Variants in COL22A1 observed in about 807,000 individuals in gnomAD.
The protein encoded by COL22A1 is collagen alpha-1(XXII) chain.
A neutral mutation model predicts 248.9 loss-of-function variants in COL22A1; 221 were observed. The ratio of observed to expected loss-of-function variants is 0.89; its 90% CI spans 0.80 to 0.99. The LOEUF (loss-of-function observed/expected upper bound fraction) is 0.99, where lower values mean the gene tolerates loss of function less well. COL22A1 is among the 50% of genes least tolerant of loss of function. The pLI is 0.00. For synonymous variants in COL22A1, 891 were observed against 793.4 expected (o/e 1.12, Z -2.07); for missense variants, 2,240 against 2,179.0 (o/e 1.03, Z -0.56).
chr8:138,890,769 T>C (rs35585112), intron 1 of COL22A1, among the ~76,000 whole-genome samples: 19,518 of 152,016 alleles, frequency 0.13, 1,565 homozygotes, highest in African/African-American at 0.21. Flanking sequence ...TCCTAACACT[T>C]TGGGAGGCCA....
chr8:138,806,173 TA>T (rs1817699178), intron 10 of COL22A1, among the ~76,000 whole-genome samples: 1 of 85,318 alleles, frequency 1.2e-5, no homozygotes, highest in Non-Finnish European at 2.2e-5. Context: ...TGTGATGGTG[TA>T]AGTAATGGTG....
chr8:138,630,355 C>T (rs1317367906), intron 50 of COL22A1, among the ~76,000 whole-genome samples: 1 of 152,224 alleles, frequency 6.6e-6, no homozygotes, highest in Non-Finnish European at 1.5e-5. Flanking sequence ...AGCCTTTCCA[C>T]TTCCCTGCAC....
chr8:138,878,342 G>C lies in COL22A1; in HGVS notation c.92-26C>G, dbSNP rs371561093. The stretch of plus-strand genomic sequence containing the variant: ...CTGCAGGGGTGAGAGAAGGGGTGGC[G>C]TAGGGCAAATGGGCATGGAAAGGAC... On this transcript the variant is annotated intron_variant, in intron 2 of 64. Coordinates refer to ENST00000303045, the MANE Select transcript of COL22A1 (RefSeq NM_152888.3). The C allele has an allele frequency of 4.0e-6, 6 of 1,487,254 alleles. No homozygotes were observed. In the South Asian group the frequency reaches 8.2e-5, roughly 20 times the overall value. 92.1% of individuals were successfully genotyped at this position (1,487,254 alleles called of 1,614,324 possible).
intron 3 of COL22A1, among the ~76,000 whole-genome samples, chr8:138,860,009 T>C (rs1377845619): frequency 1.3e-5 from 2 of 152,214 alleles, no homozygotes; most frequent in Non-Finnish European, 2.9e-5. Flanking sequence ...ACCATTACTA[T>C]GTGCTGGGCT....
At chr8:138,797,652 A>G (rs1407157798) in intron 11 of COL22A1, among the ~76,000 whole-genome samples, 1 of 152,142 alleles carries the variant, frequency 6.6e-6, no homozygotes, top group Non-Finnish European at 1.5e-5. Flanking sequence ...CTTTAACCTA[A>G]GGGCTGCAAG....
At chr8:138,743,404 G>A (rs1831848986) in intron 22 of COL22A1, among the ~76,000 whole-genome samples, 1 of 151,952 alleles carries the variant, frequency 6.6e-6, no homozygotes, top group Non-Finnish European at 1.5e-5. Context: ...TTGTGATGGT[G>A]GAGTTGATGG....
intron 16 of COL22A1, among the ~76,000 whole-genome samples, chr8:138,769,277 C>A (rs1250812205): frequency 6.6e-6 from 1 of 152,176 alleles, no homozygotes. Context: ...CAACAATGAG[C>A]TCCCTGCTGT....
intron 7 of COL22A1, among the ~76,000 whole-genome samples, chr8:138,813,382 T>G (rs1346061161): frequency 6.6e-6 from 1 of 152,194 alleles, no homozygotes; most frequent in African/African-American, 2.4e-5. Flanking sequence ...ATCTGATGGT[T>G]TTATAAGGGG....
intron 56 of COL22A1, among the ~76,000 whole-genome samples, chr8:138,610,317 T>C (rs1440485665): frequency 6.6e-6 from 1 of 152,218 alleles, no homozygotes. Flanking sequence ...CCTCTGGGTG[T>C]CTGTAGATTT....
At chr8:138,866,378 TTA>T (rs553965237) in intron 3 of COL22A1, among the ~76,000 whole-genome samples, 19 of 152,348 alleles carry the variant, frequency 1.2e-4, no homozygotes, top group African/African-American at 4.6e-4. Context: ...AAATGCACAT[TTA>T]TATAGAGACA....
chr8:138,874,868 T>C (rs1823592863), intron 3 of COL22A1, among the ~76,000 whole-genome samples: 1 of 152,180 alleles, frequency 6.6e-6, no homozygotes, highest in African/African-American at 2.4e-5. Context: ...TATGCCTTCA[T>C]GACTAAGGTT....
intron 41 of COL22A1, among the ~76,000 whole-genome samples, chr8:138,673,695 T>C (rs867950090): frequency 7.2e-5 from 11 of 152,158 alleles, no homozygotes; most frequent in South Asian, 2.1e-4. Context: ...TGTGTAGCAT[T>C]GGCCACATCA....
intron 16 of COL22A1, among the ~76,000 whole-genome samples, chr8:138,772,198 G>A (rs564727229): frequency 5.3e-5 from 8 of 152,326 alleles, no homozygotes; most frequent in South Asian, 2.1e-4. Context: ...ATCGTCTCTC[G>A]CATGGGCCCG....
chr8:138,783,644 T>A (rs1815245473), intron 12 of COL22A1, among the ~76,000 whole-genome samples: 1 of 152,200 alleles, frequency 6.6e-6, no homozygotes, highest in Non-Finnish European at 1.5e-5. Flanking sequence ...GGATCAATAC[T>A]TTGTATCCTT....
At chr8:138,683,909 T>C (rs76940729) in intron 39 of COL22A1, among the ~76,000 whole-genome samples, 1,611 of 152,280 alleles carry the variant, frequency 0.011, 29 homozygotes, top group African/African-American at 0.037. Flanking sequence ...ATGGTAAGTA[T>C]TTATTAAGTA....
intron 1 of COL22A1, among the ~76,000 whole-genome samples, chr8:138,904,150 G>A (rs4736207): frequency 0.23 from 34,555 of 151,884 alleles, 4,580 homozygotes; most frequent in African/African-American, 0.37. Flanking sequence ...AGCAGACACC[G>A]CCACCTCATT....
intron 3 of COL22A1, among the ~76,000 whole-genome samples, chr8:138,852,602 A>C (rs1446796085): frequency 2.0e-5 from 3 of 152,260 alleles, no homozygotes; most frequent in African/African-American, 7.2e-5. Flanking sequence ...GATAGTGTTT[A>C]AAGCATCGGG....
intron 4 of COL22A1, among the ~76,000 whole-genome samples, chr8:138,837,568 A>G (rs1447712727): frequency 6.6e-6 from 1 of 152,142 alleles, no homozygotes; most frequent in Non-Finnish European, 1.5e-5. Context: ...CCCAGTGAGG[A>G]GCAGCTGTTG....
At chr8:138,850,004 A>G (rs1821511334) in intron 3 of COL22A1, among the ~76,000 whole-genome samples, 1 of 152,196 alleles carries the variant, frequency 6.6e-6, no homozygotes, top group Non-Finnish European at 1.5e-5. Flanking sequence ...CATATTTTAC[A>G]GGTGAACAAG....
Sources: allele counts gnomAD v4.1 joint callset (sites outside exome capture counted in the v4.1 genomes callset), GRCh38; gene constraint gnomAD v4.1.1; transcripts MANE v1.5; gene names NCBI Gene and HGNC (gene_info 2026-07-23, HGNC 2026-07-21).